Variants in ATG4C observed in about 807,000 individuals in gnomAD.
The protein encoded by ATG4C is autophagy related 4C cysteine peptidase, also known as cysteine protease ATG4C.
A neutral mutation model predicts 57.6 loss-of-function variants in ATG4C; 56 were observed. The observed-to-expected ratio is 0.97, with a 90% CI of 0.78 to 1.21. The LOEUF is 1.21. Among genes scored for constraint, ATG4C ranks in the 50% most tolerant of loss-of-function variants. The pLI is 0.00. For synonymous variants in ATG4C, 157 were observed against 174.1 expected, an observed-to-expected ratio of 0.90 and a Z score of 0.78; for missense variants, 595 against 529.8, an observed-to-expected ratio of 1.12 and a Z score of -1.21.
chr1:62,788,733 T>C (rs1350719547), intron 1 of ATG4C, among the ~76,000 whole-genome samples: 3 of 152,232 alleles, frequency 2.0e-5, no homozygotes, highest in Admixed American at 2.0e-4. Context: ...TTAGTACTTA[T>C]ATGTCTATTT....
At chr1:62,841,384 T>C (rs1666160875) in intron 9 of ATG4C, 44 bp from the exon 10 acceptor site, 3 of 1,494,348 alleles carry the variant, frequency 2.0e-6, no homozygotes, top group East Asian at 2.3e-5. Context: ...TATATACTTG[T>C]CTATCAAAGA....
intron 5 of ATG4C, among the ~76,000 whole-genome samples, chr1:62,820,245 G>A (rs1665438066): frequency 6.6e-6 from 1 of 151,970 alleles, no homozygotes; most frequent in African/African-American, 2.4e-5. Context: ...TACTCCGGGG[G>A]ACAGCAAACT....
chr1:62,799,020 C>G (rs1235484043), intron 1 of ATG4C, among the ~76,000 whole-genome samples: 2 of 152,256 alleles, frequency 1.3e-5, no homozygotes, highest in African/African-American at 4.8e-5. Context: ...CTTACTGCAG[C>G]CAGCTCAAGT....
At position 62,829,045 on chromosome 1, in the gene ATG4C, A is replaced by T. The variant is rs754157177; in HGVS notation, c.802A>T (p.Asn268Tyr). ...ATTCATTATGTTTTTCTCAGTTTAC[A>T]ATTCTGATGTAATTGATAAACAGAG... is the stretch of plus-strand genomic sequence containing the variant. Reference protein sequence around the residue: ...IYVAQDCTVYNSDVIDKQSAS... With the variant: ...IYVAQDCTVYYSDVIDKQSAS... Residue 268 changes from asparagine to tyrosine, a missense_variant, in exon 7 of 11, where the codon AAT (asparagine) becomes TAT (tyrosine). Transcript: ENST00000317868. 5.0e-6 allele frequency: 8 copies of T among 1,603,946 alleles called. No homozygotes were observed. Among genetic ancestry groups the T allele is most frequent in the Non-Finnish European group, 6.8e-6 (8 of 1,176,172 alleles).
chr1:62,840,050 T>C (rs1489442505), intron 9 of ATG4C, among the ~76,000 whole-genome samples: 3 of 152,188 alleles, frequency 2.0e-5, no homozygotes, highest in Non-Finnish European at 2.9e-5. Context: ...TGACAACTTA[T>C]TTTTTCCACA....
At position 62,803,708 on chromosome 1, in the gene ATG4C, A is replaced by G; in HGVS notation, c.-68-11A>G. 1.0e-6 allele frequency: 1 copy of G among 985,432 alleles called. No homozygotes were observed. The highest frequency in any genetic ancestry group is 1.5e-6 in the Non-Finnish European group (1 of 668,396). The allele number at this position is 985,432 out of a possible 1,614,324, so 61.0% of individuals were successfully genotyped here. A position where few individuals can be genotyped will look rare whatever the true frequency, so the allele number is the denominator to read the frequency against. On this transcript the variant is annotated splice_polypyrimidine_tract_variant and intron_variant, in intron 1 of 10. Coordinates refer to ENST00000317868, the MANE Select transcript of ATG4C (RefSeq NM_032852.4). ...GTAGTAATTACTGATTTTTTTCCTT[A>G]ATTTTTAAAGTCAGTATAAAAGATT...
intron 1 of ATG4C, among the ~76,000 whole-genome samples, chr1:62,795,685 C>T (rs12129919): frequency 0.38 from 57,870 of 151,674 alleles, 11,434 homozygotes; most frequent in East Asian, 0.67. Flanking sequence ...TTTTCTAAGC[C>T]GGGGATGGTG....
At chr1:62,791,454 G>A (rs1664272320) in intron 1 of ATG4C, among the ~76,000 whole-genome samples, 1 of 152,158 alleles carries the variant, frequency 6.6e-6, no homozygotes, top group African/African-American at 2.4e-5. Flanking sequence ...CTGAAACTGG[G>A]TAATTTATGT....
chr1:62,837,716 T>G (rs1397149211), intron 9 of ATG4C, among the ~76,000 whole-genome samples: 1 of 152,120 alleles, frequency 6.6e-6, no homozygotes, highest in African/African-American at 2.4e-5. Flanking sequence ...ATTGGATGAG[T>G]GAATTCTTCA....
At chr1:62,809,077 G>C (rs1420757188) in intron 3 of ATG4C, among the ~76,000 whole-genome samples, 1 of 151,998 alleles carries the variant, frequency 6.6e-6, no homozygotes, top group African/African-American at 2.4e-5. Flanking sequence ...GGGACCACAG[G>C]TGTGTGCCAC....
intron 10 of ATG4C, 117 bp downstream of exon 10, chr1:62,841,664 T>C: frequency 2.3e-6 from 2 of 863,942 alleles, no homozygotes; most frequent in Non-Finnish European, 3.4e-6. Context: ...TGAATGTTAA[T>C]ATTATTAGGA....
chr1:62,820,062 G>T (rs998336721), intron 5 of ATG4C, among the ~76,000 whole-genome samples: 9 of 151,990 alleles, frequency 5.9e-5, no homozygotes, highest in Middle Eastern at 6.8e-3. Flanking sequence ...TCATTACAAA[G>T]CATTTTTGCA....
intron 1 of ATG4C, among the ~76,000 whole-genome samples, chr1:62,797,593 C>G (rs1215404925): frequency 6.6e-6 from 1 of 151,718 alleles, no homozygotes; most frequent in Admixed American, 6.6e-5. Context: ...TTTCCAATTG[C>G]CTTTTTTTCT....
chr1:62,835,902 T>C (rs1167195478), intron 9 of ATG4C, among the ~76,000 whole-genome samples: 1 of 152,072 alleles, frequency 6.6e-6, no homozygotes, highest in East Asian at 1.9e-4. Context: ...TTCTGCCTTG[T>C]GGTCTTGTAG....
At chr1:62,820,098 G>A (rs1292633029) in intron 5 of ATG4C, among the ~76,000 whole-genome samples, 2 of 151,822 alleles carry the variant, frequency 1.3e-5, no homozygotes, top group African/African-American at 4.8e-5. Flanking sequence ...ATATTTTATA[G>A]GCCAGATGCT....
At chr1:62,808,239 C>T (rs898440871) in intron 3 of ATG4C, among the ~76,000 whole-genome samples, 22 of 152,166 alleles carry the variant, frequency 1.4e-4, no homozygotes, top group African/African-American at 4.6e-4. Flanking sequence ...GGATCAACAG[C>T]ATCTGGCAGA....
intron 1 of ATG4C, among the ~76,000 whole-genome samples, chr1:62,789,777 A>G (rs1396727374): frequency 6.6e-6 from 1 of 152,156 alleles, no homozygotes; most frequent in Admixed American, 6.5e-5. Flanking sequence ...AGTTCGCGCC[A>G]CTGCACTCCA....
intron 10 of ATG4C, among the ~76,000 whole-genome samples, chr1:62,860,755 TA>T (rs1263490315): frequency 1.3e-5 from 2 of 152,224 alleles, no homozygotes; most frequent in African/African-American, 4.8e-5. Flanking sequence ...AACCCCTACA[TA>T]GGGTATAGCT....
chr1:62,809,408 T>C (rs990988321), intron 3 of ATG4C, among the ~76,000 whole-genome samples: 26 of 148,120 alleles, frequency 1.8e-4, no homozygotes, highest in Non-Finnish European at 3.3e-4. Flanking sequence ...TATATACATA[T>C]GTGTATATAA....
Sources: allele counts gnomAD v4.1 joint callset (sites outside exome capture counted in the v4.1 genomes callset), GRCh38; gene constraint gnomAD v4.1.1; transcripts MANE v1.5; gene names NCBI Gene and HGNC (gene_info 2026-07-23, HGNC 2026-07-21).